Variants in PCDH11X observed in about 807,000 individuals in gnomAD.
PCDH11X encodes the protein protocadherin 11 X-linked.
PCDH11X carries 18 observed loss-of-function variants against 53.3 expected under a neutral mutation model. The observed-to-expected ratio is 0.34, with a 90% CI of 0.23 to 0.50. PCDH11X has a LOEUF of 0.50. Among genes scored for constraint, PCDH11X ranks in the 20% least tolerant of loss-of-function variants. The probability of loss-of-function intolerance (pLI) is 0.98; values close to 1 mark genes in which losing one functional copy is unlikely to be tolerated. For synonymous variants in PCDH11X, 279 were observed against 393.3 expected (o/e 0.71, Z 3.44); for missense variants, 570 against 1,032.4 (o/e 0.55, Z 6.14).
At chrX:92,000,375 A>G (rs1027059560) in intron 6 of PCDH11X, among the ~76,000 whole-genome samples, 8 of 111,086 alleles carry the variant, frequency 7.2e-5, no homozygotes, top group African/African-American at 2.6e-4. Context: ...AATATATTAC[A>G]TATTTAGTTT....
intron 6 of PCDH11X, among the ~76,000 whole-genome samples, chrX:92,188,412 A>G (rs1436142237): frequency 5.4e-5 from 6 of 111,501 alleles, no homozygotes; most frequent in Non-Finnish European, 1.1e-4. Flanking sequence ...AACAAAGACT[A>G]AGATGTATTT....
At chrX:92,508,414 G>A (rs1258062940) in intron 10 of PCDH11X, among the ~76,000 whole-genome samples, 1 of 108,612 alleles carries the variant, frequency 9.2e-6, no homozygotes, top group Non-Finnish European at 1.9e-5. Flanking sequence ...GTAGAGACGG[G>A]GTTTCACCAT....
intron 6 of PCDH11X, chrX:91,882,816 T>G: frequency 1.1e-5 from 13 of 1,130,668 alleles, no homozygotes; most frequent in Non-Finnish European, 1.5e-5. Context: ...ATTTTGGTAA[T>G]GCAAATTTTA....
intron 4 of PCDH11X, among the ~76,000 whole-genome samples, chrX:91,829,967 C>T (rs923835633): frequency 9.1e-6 from 1 of 110,450 alleles, no homozygotes; most frequent in African/African-American, 3.3e-5. Context: ...CTGAAACAAG[C>T]AATATTACAT....
At chrX:92,154,648 A>G (rs940692415) in intron 6 of PCDH11X, among the ~76,000 whole-genome samples, 37 of 110,743 alleles carry the variant, frequency 3.3e-4, no homozygotes. Flanking sequence ...AGCGTGAGGA[A>G]CACATCGGCG....
chrX:92,369,326 C>A (rs1354943851), intron 8 of PCDH11X, among the ~76,000 whole-genome samples: 1 of 110,543 alleles, frequency 9.0e-6, no homozygotes. Flanking sequence ...GGGAAAATTG[C>A]CTTATAAAGC....
intron 6 of PCDH11X, among the ~76,000 whole-genome samples, chrX:92,128,886 T>C (rs749449897): frequency 1.8e-5 from 2 of 110,205 alleles, no homozygotes; most frequent in African/African-American, 6.7e-5. Context: ...AGCAGCATAA[T>C]ATTCTGGACA....
At chrX:92,604,086 ATAGG>A (rs1191661416) in intron 10 of PCDH11X, among the ~76,000 whole-genome samples, 1 of 108,713 alleles carries the variant, frequency 9.2e-6, no homozygotes, top group Non-Finnish European at 1.9e-5. Context: ...TAGCACAAAG[ATAGG>A]TAGAAGCAAA....
intron 4 of PCDH11X, among the ~76,000 whole-genome samples, chrX:91,813,862 C>G (rs1342733942): frequency 9.2e-6 from 1 of 108,595 alleles, no homozygotes; most frequent in Non-Finnish European, 1.9e-5. Context: ...CGTGAAATCT[C>G]TCTTTAACAG....
At chrX:91,823,184 T>G (rs1355458894) in intron 4 of PCDH11X, among the ~76,000 whole-genome samples, 1 of 110,663 alleles carries the variant, frequency 9.0e-6, no homozygotes, top group Non-Finnish European at 1.9e-5. Context: ...TAGATGTCTA[T>G]TAGGTCCGCT....
chrX:92,375,142 T>TTATATATATA (rs1260512423), intron 8 of PCDH11X, among the ~76,000 whole-genome samples: 615 of 12,911 alleles, frequency 0.048, 89 homozygotes, highest in Non-Finnish European at 0.071. Context: ...TTCCATTCAT[T>TTATATATATA]TATATATATA....
chrX:92,170,783 TTTTTTTG>T (rs1210984753), intron 6 of PCDH11X, among the ~76,000 whole-genome samples: 1 of 103,071 alleles, frequency 9.7e-6, no homozygotes, highest in Non-Finnish European at 2.0e-5. Context: ...TCTTGTTTTG[TTTTTTTG>T]TTTTTTGTTT....
At chrX:91,960,486 G>A (rs1032127972) in intron 6 of PCDH11X, among the ~76,000 whole-genome samples, 4 of 110,357 alleles carry the variant, frequency 3.6e-5, no homozygotes, top group Middle Eastern at 4.6e-3. Context: ...GTGCAGTGGC[G>A]CAATCTCAGC....
intron 9 of PCDH11X, among the ~76,000 whole-genome samples, chrX:92,458,915 T>C (rs1041085277): frequency 9.0e-6 from 1 of 110,515 alleles, no homozygotes; most frequent in Non-Finnish European, 1.9e-5. Flanking sequence ...TGCTGGATCA[T>C]ATGGTGGGTC....
chrX:92,274,383 C>T (rs2068031676), intron 8 of PCDH11X, among the ~76,000 whole-genome samples: 3 of 110,149 alleles, frequency 2.7e-5, no homozygotes, highest in Admixed American at 1.9e-4. Flanking sequence ...GCTGATTTGA[C>T]TAATAAAGGC....
chrX:91,932,689 T>TGC (rs1170986513), intron 6 of PCDH11X, among the ~76,000 whole-genome samples: 6 of 105,427 alleles, frequency 5.7e-5, no homozygotes, highest in Non-Finnish European at 9.7e-5. Flanking sequence ...TGTGTGTGTG[T>TGC]GTGTGTGTGT....
intron 6 of PCDH11X, among the ~76,000 whole-genome samples, chrX:92,197,483 G>T (rs1025732500): frequency 8.9e-6 from 1 of 111,846 alleles, no homozygotes; most frequent in African/African-American, 3.2e-5. Context: ...TGTAAACTTT[G>T]CCATAGTTTT....
chrX:92,242,758 C>A (rs1007434319), intron 7 of PCDH11X, among the ~76,000 whole-genome samples: 2 of 110,966 alleles, frequency 1.8e-5, no homozygotes, highest in African/African-American at 6.5e-5. Context: ...TGCAACCTCT[C>A]CAGCATTTGG....
intron 6 of PCDH11X, among the ~76,000 whole-genome samples, chrX:92,014,756 A>G (rs2062760438): frequency 9.0e-6 from 1 of 111,643 alleles, no homozygotes; most frequent in African/African-American, 3.3e-5. Context: ...GAAGCTGGAA[A>G]CCATCAATCT....
Sources: allele counts gnomAD v4.1 joint callset (sites outside exome capture counted in the v4.1 genomes callset), GRCh38; gene constraint gnomAD v4.1.1; transcripts MANE v1.5; gene names NCBI Gene and HGNC (gene_info 2026-07-23, HGNC 2026-07-21).